Variants in FRMD5 observed in about 807,000 individuals in gnomAD.
FRMD5 encodes FERM domain containing 5.
A neutral mutation model predicts 69.0 loss-of-function variants in FRMD5; 20 were observed. The observed-to-expected ratio is 0.29, with a 90% CI of 0.20 to 0.42. The LOEUF (loss-of-function observed/expected upper bound fraction) is 0.42. Ranked by LOEUF, FRMD5 falls within the 10% of genes least tolerant of loss-of-function variation. The probability of loss-of-function intolerance (pLI) is 1.00; values close to 1 mark genes in which losing one functional copy is unlikely to be tolerated. For missense variants in FRMD5, 595 were observed against 708.6 expected, an observed-to-expected ratio of 0.84 and a Z score of 1.82; for synonymous variants, 271 against 260.1, an observed-to-expected ratio of 1.04 and a Z score of -0.40.
intron 1 of FRMD5, among the ~76,000 whole-genome samples, chr15:44,110,935 C>A (rs2076787579): frequency 6.6e-6 from 1 of 152,112 alleles, no homozygotes; most frequent in South Asian, 2.1e-4. Flanking sequence ...CATTTATAAC[C>A]AATTTTATAA....
At chr15:43,999,400 A>G (rs1176738605) in intron 1 of FRMD5, among the ~76,000 whole-genome samples, 2 of 152,182 alleles carry the variant, frequency 1.3e-5, no homozygotes, top group Non-Finnish European at 2.9e-5. Flanking sequence ...AGTTGTGTCA[A>G]GTACATTCAC....
chr15:44,143,903 G>A (rs1397278786), intron 1 of FRMD5, among the ~76,000 whole-genome samples: 6 of 123,074 alleles, frequency 4.9e-5, no homozygotes, highest in East Asian at 2.4e-4. Flanking sequence ...CAGTCTGGGC[G>A]ACAGACTGAG....
intron 1 of FRMD5, among the ~76,000 whole-genome samples, chr15:43,944,417 G>C (rs2089910451): frequency 6.6e-6 from 1 of 152,146 alleles, no homozygotes; most frequent in Non-Finnish European, 1.5e-5. Flanking sequence ...CCACTTAAAA[G>C]GACCCACTTC....
At chr15:44,150,055 G>A (rs1566971982) in intron 1 of FRMD5, among the ~76,000 whole-genome samples, 1 of 151,794 alleles carries the variant, frequency 6.6e-6, no homozygotes, top group Admixed American at 6.6e-5. Context: ...ATGGAGGAAG[G>A]AAAAAAATAA....
At chr15:43,937,396 C>T (rs2089779260) in intron 1 of FRMD5, among the ~76,000 whole-genome samples, 1 of 152,064 alleles carries the variant, frequency 6.6e-6, no homozygotes, top group African/African-American at 2.4e-5. Flanking sequence ...GCCTGTAATC[C>T]CAGCACTTTG....
chr15:44,078,382 G>C (rs1289109157), intron 1 of FRMD5, among the ~76,000 whole-genome samples: 1 of 151,974 alleles, frequency 6.6e-6, no homozygotes, highest in Admixed American at 6.6e-5. Flanking sequence ...TGTCATAGAG[G>C]ACTTCCTATA....
chr15:43,875,619 A>G (rs1371675570), intron 13 of FRMD5, among the ~76,000 whole-genome samples: 1 of 151,108 alleles, frequency 6.6e-6, no homozygotes, highest in Non-Finnish European at 1.5e-5. Flanking sequence ...CTGGGAATAC[A>G]GGTGTCTGCC....
chr15:44,104,352 T>A (rs1245466948), intron 1 of FRMD5, among the ~76,000 whole-genome samples: 1 of 152,184 alleles, frequency 6.6e-6, no homozygotes, highest in Non-Finnish European at 1.5e-5. Flanking sequence ...CTTAATTTGT[T>A]ATTGAAGAAA....
At chr15:44,128,605 T>C (rs1166707050) in intron 1 of FRMD5, among the ~76,000 whole-genome samples, 1 of 152,202 alleles carries the variant, frequency 6.6e-6, no homozygotes, top group Non-Finnish European at 1.5e-5. Flanking sequence ...TTGGCATTCA[T>C]CATTGAGTAG....
chr15:44,120,700 T>TTG (rs2076936875), intron 1 of FRMD5, among the ~76,000 whole-genome samples: 1 of 151,296 alleles, frequency 6.6e-6, no homozygotes, highest in Non-Finnish European at 1.5e-5. Context: ...TTTTTTTTTT[T>TTG]TGTATTTTTA....
intron 1 of FRMD5, among the ~76,000 whole-genome samples, chr15:44,100,139 C>T (rs2076616936): frequency 6.6e-6 from 1 of 150,910 alleles, no homozygotes; most frequent in Non-Finnish European, 1.5e-5. Flanking sequence ...CTGCAGCTTC[C>T]ACCTCCCGGG....
chr15:44,195,151 G>T lies in FRMD5; in HGVS notation c.-97C>A. On this transcript the variant is annotated 5_prime_UTR_variant, in exon 1 of 14. Transcript: ENST00000417257. Reference sequence around the variant, plus strand: ...AGCTCCGCACCGACCCCAGGCACCTGCACCATCACCCCGGCCCCGTCGCTG... The same window carrying T: ...AGCTCCGCACCGACCCCAGGCACCTTCACCATCACCCCGGCCCCGTCGCTG... The T allele has an allele frequency of 2.2e-6, 2 of 918,306 alleles. No individual in the cohort carries two copies. The highest frequency in any genetic ancestry group is 3.1e-6 in the Non-Finnish European group (2 of 636,354). The allele number at this position is 918,306 out of a possible 1,614,324, so 56.9% of individuals were successfully genotyped here.
intron 13 of FRMD5, among the ~76,000 whole-genome samples, chr15:43,874,786 G>A (rs949045667): frequency 6.6e-6 from 1 of 152,032 alleles, no homozygotes; most frequent in Non-Finnish European, 1.5e-5. Flanking sequence ...TGTAATCCCA[G>A]TTACTTGGTG....
intron 1 of FRMD5, among the ~76,000 whole-genome samples, chr15:44,063,190 C>A (rs902559879): frequency 2.0e-5 from 3 of 152,118 alleles, no homozygotes; most frequent in Non-Finnish European, 4.4e-5. Flanking sequence ...GTAAATCTAT[C>A]TAGGAATACA....
At chr15:43,944,346 C>T (rs2089909386) in intron 1 of FRMD5, among the ~76,000 whole-genome samples, 1 of 152,216 alleles carries the variant, frequency 6.6e-6, no homozygotes, top group Non-Finnish European at 1.5e-5. Context: ...AATCCATTAA[C>T]CCTTTAATCT....
chr15:44,071,165 T>C (rs1455137674), intron 1 of FRMD5, among the ~76,000 whole-genome samples: 1 of 152,210 alleles, frequency 6.6e-6, no homozygotes, highest in Non-Finnish European at 1.5e-5. Flanking sequence ...CTTTGCCCAG[T>C]TATTCTGATT....
At chr15:44,094,948 T>A (rs1170571140) in intron 1 of FRMD5, among the ~76,000 whole-genome samples, 3 of 152,084 alleles carry the variant, frequency 2.0e-5, no homozygotes, top group African/African-American at 4.8e-5. Context: ...GGATATAACA[T>A]GACCATGATC....
At chr15:43,905,277 C>T (rs1480783510) in intron 6 of FRMD5, among the ~76,000 whole-genome samples, 2 of 151,856 alleles carry the variant, frequency 1.3e-5, no homozygotes, top group Admixed American at 6.6e-5. Context: ...GTTGGGATTA[C>T]AGGCACCTGC....
chr15:44,154,829 A>G (rs2077501715), intron 1 of FRMD5, among the ~76,000 whole-genome samples: 1 of 152,178 alleles, frequency 6.6e-6, no homozygotes, highest in Non-Finnish European at 1.5e-5. Flanking sequence ...ATTTTGGTAT[A>G]ATAAAAATTC....
Sources: allele counts gnomAD v4.1 joint callset (sites outside exome capture counted in the v4.1 genomes callset), GRCh38; gene constraint gnomAD v4.1.1; transcripts MANE v1.5; gene names NCBI Gene and HGNC (gene_info 2026-07-23, HGNC 2026-07-21).